Variants in LRIG1 observed in about 807,000 individuals in gnomAD.
LRIG1 encodes leucine rich repeats and immunoglobulin like domains 1.
LRIG1 carries 48 observed loss-of-function variants against 99.2 expected under a neutral mutation model. The ratio of observed to expected loss-of-function variants is 0.48; its 90% CI spans 0.38 to 0.62. The LOEUF is 0.62. Ranked by LOEUF, LRIG1 falls within the 20% of genes least tolerant of loss-of-function variation. The pLI is 0.00. For missense variants in LRIG1, 1,646 were observed against 1,434.4 expected, an observed-to-expected ratio of 1.15 and a Z score of -2.38; for synonymous variants, 772 against 596.1, an observed-to-expected ratio of 1.29 and a Z score of -4.30.
intron 3 of LRIG1, among the ~76,000 whole-genome samples, chr3:66,438,760 A>G (rs1703446136): frequency 6.6e-6 from 1 of 152,178 alleles, no homozygotes; most frequent in African/African-American, 2.4e-5. Context: ...GGTGAGCAAA[A>G]ATGGACCAAT....
chr3:66,387,806 G>A (rs139921890), intron 12 of LRIG1: 6 of 151,878 alleles, frequency 4.0e-5, no homozygotes, highest in East Asian at 1.9e-4. Flanking sequence ...AAAAAATATC[G>A]AAGGATAGTG....
At chr3:66,427,598 G>A (rs1289400146) in intron 3 of LRIG1, among the ~76,000 whole-genome samples, 2 of 152,184 alleles carry the variant, frequency 1.3e-5, no homozygotes, top group African/African-American at 4.8e-5. Flanking sequence ...CCAGGAGTTC[G>A]AGACCAGCCT....
At chr3:66,401,113 T>C (rs1226523708) in intron 9 of LRIG1, among the ~76,000 whole-genome samples, 1 of 152,258 alleles carries the variant, frequency 6.6e-6, no homozygotes, top group Non-Finnish European at 1.5e-5. Context: ...AGAGACCCTC[T>C]GCGTTTTCTT....
At chr3:66,436,665 AC>A (rs59590211) in intron 3 of LRIG1, among the ~76,000 whole-genome samples, 6,193 of 152,116 alleles carry the variant, frequency 0.041, 399 homozygotes, top group African/African-American at 0.14. Context: ...CACAGGAAGA[AC>A]TGAAGAGGAG....
intron 1 of LRIG1, among the ~76,000 whole-genome samples, chr3:66,485,729 A>C (rs1700956866): frequency 6.6e-6 from 1 of 152,246 alleles, no homozygotes; most frequent in African/African-American, 2.4e-5. Flanking sequence ...AACAATAAAC[A>C]ACAGATGGCA....
chr3:66,406,547 C>G (rs1702275271), intron 8 of LRIG1: 2 of 366,048 alleles, frequency 5.5e-6, no homozygotes, highest in African/African-American at 4.4e-5. Flanking sequence ...CACACTGGAA[C>G]AGATCCCTCT....
chr3:66,443,334 G>T (rs189939091), intron 3 of LRIG1, among the ~76,000 whole-genome samples: 1 of 80,252 alleles, frequency 1.2e-5, no homozygotes, highest in East Asian at 2.4e-4. Flanking sequence ...AGTGAGGGGC[G>T]GGGGATGAGT....
Position 66,398,102 on chromosome 3 carries a change from A to C in LRIG1, c.1304+10T>G, listed in dbSNP as rs763797218. The C allele has an allele frequency of 1.9e-6, 3 of 1,608,130 alleles. No homozygotes were observed. In the Admixed American group the frequency reaches 5.0e-5, roughly 27 times the overall value. ...ACCATTAATCAGACCCAGGGAATCC[A>C]GATACTTACAGCTCTTTAAGATTCT... On this transcript the variant is annotated intron_variant, in intron 11 of 18. Coordinates refer to ENST00000273261, the MANE Select transcript of LRIG1 (RefSeq NM_015541.3).
At chr3:66,411,019 C>T (rs1453917714) in intron 6 of LRIG1, among the ~76,000 whole-genome samples, 1 of 152,224 alleles carries the variant, frequency 6.6e-6, no homozygotes, top group Admixed American at 6.5e-5. Flanking sequence ...TAAACCTGCA[C>T]ATCTACTAAC....
intron 3 of LRIG1, among the ~76,000 whole-genome samples, chr3:66,429,489 T>C (rs143699157): frequency 3.3e-5 from 5 of 152,340 alleles, no homozygotes; most frequent in Non-Finnish European, 7.3e-5. Context: ...ACCAATTGTA[T>C]GATTCCAAAT....
chr3:66,405,139 C>A, intron 9 of LRIG1, 59 bp downstream of exon 9: 2 of 1,490,538 alleles, frequency 1.3e-6, no homozygotes, highest in Non-Finnish European at 9.3e-7. Context: ...ACAGAAACAT[C>A]TCCCACCCAA....
At chr3:66,405,089 C>G (rs764906284) in intron 9 of LRIG1, 109 bp downstream of exon 9, 1 of 929,266 alleles carries the variant, frequency 1.1e-6, no homozygotes, top group Non-Finnish European at 1.7e-6. Flanking sequence ...GCCAGCTCCT[C>G]TTCCGCCTGG....
intron 13 of LRIG1, among the ~76,000 whole-genome samples, chr3:66,385,584 C>G (rs1322998467): frequency 6.6e-6 from 1 of 152,180 alleles, no homozygotes; most frequent in Non-Finnish European, 1.5e-5. Flanking sequence ...TCCCAAGTAG[C>G]TGGGATTACA....
chr3:66,381,581 C>T lies in LRIG1; in HGVS notation c.2668G>A (p.Val890Ile), dbSNP rs767414411. The T allele has an allele frequency of 4.0e-5, 65 of 1,613,934 alleles. No homozygotes were observed. The highest frequency in any genetic ancestry group is 1.3e-4 in the Admixed American group (8 of 60,004). ...CAGAGCTTTGGCTGCCTGCAGGCAA[C>T]GCTGTGAGTGTCGGGCTCTGGAAAG... is the stretch of plus-strand genomic sequence containing the variant. The part of the protein sequence containing the change: ...SHFPEPDTHS[V>I]ACRQPKLCAG... Residue 890 changes from valine (V) to isoleucine (I), a missense_variant, in exon 17 of 19, where the codon GTT becomes ATT. Val to Ile is a conservative substitution (Grantham distance 29). Coordinates refer to ENST00000273261, the MANE Select transcript of LRIG1 (RefSeq NM_015541.3).
Position 66,500,408 on chromosome 3 carries a change from C to T in LRIG1, c.-1G>A. The T allele has an allele frequency of 7.1e-7, 1 of 1,406,608 alleles. No individual in the cohort carries two copies. The highest frequency in any genetic ancestry group is 9.2e-7 in the Non-Finnish European group (1 of 1,088,578). The allele number at this position is 1,406,608 out of a possible 1,614,324, so 87.1% of individuals were successfully genotyped here. ...GCCCTCCCCGGACCGGCCGCGCCAT[C>T]TTGTCTGGAGCGCGCTGCGAACTCC... On this transcript the variant is annotated 5_prime_UTR_variant, in exon 1 of 19. Transcript: ENST00000273261.
intron 3 of LRIG1, among the ~76,000 whole-genome samples, chr3:66,434,807 A>G (rs1703297078): frequency 6.6e-6 from 1 of 152,110 alleles, no homozygotes; most frequent in African/African-American, 2.4e-5. Context: ...AATGTGGAGA[A>G]ACGGAATTGC....
intron 12 of LRIG1, among the ~76,000 whole-genome samples, chr3:66,393,066 C>T (rs536502283): frequency 1.3e-5 from 2 of 152,292 alleles, no homozygotes; most frequent in African/African-American, 4.8e-5. Flanking sequence ...GGGGTGGATG[C>T]ATGGAGAGGG....
At position 66,380,051 on chromosome 3, in the gene LRIG1, C is replaced by A; in HGVS notation, c.*212G>T. On this transcript the variant is annotated 3_prime_UTR_variant, in exon 19 of 19. Transcript: ENST00000273261. ...TGAAATCTCTGAAAACTCTTATGTA[C>A]AATGATATCAAATACTTTTTTTGCC... The A allele has an allele frequency of 6.3e-6, 3 of 479,112 alleles. No homozygotes were observed. The highest frequency in any genetic ancestry group is 7.4e-6 in the Non-Finnish European group (2 of 269,736). The allele number at this position is 479,112 out of a possible 1,614,324, so 29.7% of individuals were successfully genotyped here.
At chr3:66,477,597 AAGG>A (rs1323546619) in intron 1 of LRIG1, among the ~76,000 whole-genome samples, 2 of 152,190 alleles carry the variant, frequency 1.3e-5, no homozygotes, top group Non-Finnish European at 2.9e-5. Context: ...GTCTTATTAC[AAGG>A]AGAAGATAAG....
Sources: gnomAD v4.1 joint callset for allele counts (sites outside exome capture counted in the v4.1 genomes callset) on GRCh38, gnomAD v4.1.1 for gene constraint, MANE v1.5 for transcripts, NCBI Gene and HGNC (gene_info 2026-07-23, HGNC 2026-07-21) for gene names.